The following ADGRV1 variants were observed in gnomAD, a reference collection of about 807,000 sequenced individuals.
ADGRV1 encodes the protein adhesion G protein-coupled receptor V1, also known as G-protein coupled receptor 98.
Under a neutral mutation model 596.2 loss-of-function variants are expected in ADGRV1, and 359 were observed. The ratio of observed to expected loss-of-function variants is 0.60; its 90% CI spans 0.55 to 0.66. ADGRV1 has a LOEUF of 0.66. ADGRV1 is among the 30% of genes least tolerant of loss of function. ADGRV1 has a pLI of 0.00. For synonymous variants in ADGRV1, 2,681 were observed against 2,679.2 expected, an observed-to-expected ratio of 1.00 and a Z score of -0.02; for missense variants, 7,274 against 7,575.6, an observed-to-expected ratio of 0.96 and a Z score of 1.48.
At chr5:91,104,609 A>G (rs931464990) in intron 87 of ADGRV1, among the ~76,000 whole-genome samples, 2 of 151,966 alleles carry the variant, frequency 1.3e-5, no homozygotes, top group Non-Finnish European at 2.9e-5. Context: ...CCCAGCTTCT[A>G]GTACCCTCTG....
At chr5:90,686,437 T>C (rs1307971290) in intron 29 of ADGRV1, among the ~76,000 whole-genome samples, 2 of 152,124 alleles carry the variant, frequency 1.3e-5, no homozygotes, top group East Asian at 3.9e-4. Context: ...ATTGTTCACT[T>C]CCCACCTATG....
intron 16 of ADGRV1, among the ~76,000 whole-genome samples, chr5:90,646,924 C>T (rs1389158547): frequency 1.3e-5 from 2 of 152,012 alleles, no homozygotes; most frequent in Non-Finnish European, 2.9e-5. Context: ...CAGGCACACA[C>T]CACCACGCCC....
intron 87 of ADGRV1, among the ~76,000 whole-genome samples, chr5:91,148,154 C>T (rs1177024781): frequency 6.6e-6 from 1 of 152,130 alleles, no homozygotes; most frequent in Non-Finnish European, 1.5e-5. Context: ...AAATTTGCAG[C>T]CTGACGATGC....
At chr5:90,848,887 T>C (rs1020979172) in intron 79 of ADGRV1, 66 bp downstream of exon 79, 5 of 1,132,112 alleles carry the variant, frequency 4.4e-6, no homozygotes, top group African/African-American at 1.6e-5. Context: ...CAAAGCAATA[T>C]GTAATGCAAA....
chr5:90,691,234 A>G (rs1256125912), intron 31 of ADGRV1, 193 bp downstream of exon 31: 2 of 730,322 alleles, frequency 2.7e-6, no homozygotes, highest in Non-Finnish European at 4.7e-6. Flanking sequence ...TAGATTGTAT[A>G]CATATGCCAG....
At chr5:91,136,304 G>C (rs962416995) in intron 87 of ADGRV1, among the ~76,000 whole-genome samples, 6 of 152,170 alleles carry the variant, frequency 3.9e-5, no homozygotes, top group Middle Eastern at 3.2e-3. Flanking sequence ...AGGTGCCAGT[G>C]CCTTAAGGAA....
chr5:91,033,869 C>G (rs764549018), intron 85 of ADGRV1, among the ~76,000 whole-genome samples: 2 of 152,144 alleles, frequency 1.3e-5, no homozygotes, highest in African/African-American at 2.4e-5. Context: ...ACCATATTGA[C>G]TTGAAGTTCA....
At chr5:91,128,930 G>C (rs1793983224) in intron 87 of ADGRV1, among the ~76,000 whole-genome samples, 1 of 152,118 alleles carries the variant, frequency 6.6e-6, no homozygotes, top group Non-Finnish European at 1.5e-5. Flanking sequence ...AAATGAAACA[G>C]TACCTCTGTA....
chr5:91,088,284 C>T (rs1790061519), intron 86 of ADGRV1, among the ~76,000 whole-genome samples: 1 of 152,134 alleles, frequency 6.6e-6, no homozygotes, highest in African/African-American at 2.4e-5. Flanking sequence ...ATTTCCTTCT[C>T]CCCATCTTTT....
At chr5:90,642,162 G>A (rs1307297254) in intron 11 of ADGRV1, among the ~76,000 whole-genome samples, 2 of 152,042 alleles carry the variant, frequency 1.3e-5, no homozygotes, top group African/African-American at 2.4e-5. Context: ...TAGTTATCCA[G>A]CTATTATGTG....
chr5:90,997,870 T>A (rs575670131), intron 85 of ADGRV1, among the ~76,000 whole-genome samples: 16 of 152,258 alleles, frequency 1.1e-4, no homozygotes, highest in African/African-American at 3.9e-4. Context: ...TTAAGCGAGA[T>A]GATGTGTCTA....
chr5:91,147,280 G>A (rs1280098773), intron 87 of ADGRV1, among the ~76,000 whole-genome samples: 1 of 151,146 alleles, frequency 6.6e-6, no homozygotes, highest in Non-Finnish European at 1.5e-5. Flanking sequence ...ATGGTCTCTT[G>A]CTAGATTCCT....
chr5:90,712,857 C>A (rs921125821), intron 42 of ADGRV1, among the ~76,000 whole-genome samples: 1 of 152,004 alleles, frequency 6.6e-6, no homozygotes, highest in Non-Finnish European at 1.5e-5. Context: ...TGTAGTATTT[C>A]CGCATAGTGT....
chr5:91,134,946 C>T (rs1407921227), intron 87 of ADGRV1, among the ~76,000 whole-genome samples: 3 of 151,804 alleles, frequency 2.0e-5, no homozygotes, highest in Non-Finnish European at 4.4e-5. Context: ...TCTTGGGAGG[C>T]CAAGGTGGGC....
intron 83 of ADGRV1, among the ~76,000 whole-genome samples, chr5:90,944,797 T>G (rs1049071885): frequency 1.3e-5 from 2 of 152,198 alleles, no homozygotes; most frequent in Non-Finnish European, 2.9e-5. Context: ...CTTTTCACAG[T>G]ACAGTGTTGC....
At chr5:90,792,571 A>G (rs1415537217) in intron 70 of ADGRV1, 1 of 152,154 alleles carries the variant, frequency 6.6e-6, no homozygotes, top group Non-Finnish European at 1.5e-5. Context: ...GAAATGATGT[A>G]CAATGTAACC....
chr5:90,796,534 G>A (rs1010038769), intron 70 of ADGRV1, among the ~76,000 whole-genome samples: 1 of 152,198 alleles, frequency 6.6e-6, no homozygotes, highest in Non-Finnish European at 1.5e-5. Flanking sequence ...ATGGAACCAA[G>A]TTGGAAAACA....
intron 87 of ADGRV1, among the ~76,000 whole-genome samples, chr5:91,140,239 C>T (rs1031557374): frequency 6.6e-6 from 1 of 152,162 alleles, no homozygotes; most frequent in African/African-American, 2.4e-5. Context: ...GATCCCTTCT[C>T]CTCCCTTATT....
chr5:90,831,280 T>C (rs543173814), intron 77 of ADGRV1, among the ~76,000 whole-genome samples: 550 of 149,636 alleles, frequency 3.7e-3, no homozygotes, highest in African/African-American at 0.012. Context: ...TACATATATA[T>C]ACACACACAC....
Sources: allele counts gnomAD v4.1 joint callset (sites outside exome capture counted in the v4.1 genomes callset), GRCh38; gene constraint gnomAD v4.1.1; transcripts MANE v1.5; gene names NCBI Gene and HGNC (gene_info 2026-07-23, HGNC 2026-07-21).